PALS2: variants seen among roughly 807,000 people sequenced by gnomAD.
The protein encoded by PALS2 is protein PALS2.
PALS2 carries 27 observed loss-of-function variants against 61.6 expected under a neutral mutation model. The ratio of observed to expected loss-of-function variants is 0.44; its 90% confidence interval spans 0.32 to 0.60. PALS2 has a LOEUF of 0.60. Among genes scored for constraint, PALS2 ranks in the 20% least tolerant of loss-of-function variants. The pLI, the probability that PALS2 is intolerant of heterozygous loss-of-function variation, is 0.05. For synonymous variants in PALS2, 236 were observed against 218.6 expected (o/e 1.08, Z -0.70); for missense variants, 554 against 639.4 (o/e 0.87, Z 1.44).
intron 11 of PALS2, among the ~76,000 whole-genome samples, chr7:24,685,440 G>A (rs943879236): frequency 6.6e-6 from 1 of 151,936 alleles, no homozygotes; most frequent in Non-Finnish European, 1.5e-5. Context: ...GCCATTATTG[G>A]TAGCCATTTT....
chr7:24,615,045 C>A (rs1459287238), intron 1 of PALS2, among the ~76,000 whole-genome samples: 4 of 151,638 alleles, frequency 2.6e-5, no homozygotes, highest in Non-Finnish European at 4.4e-5. Context: ...CCTGAATGAC[C>A]AATGAATGAA....
intron 1 of PALS2, among the ~76,000 whole-genome samples, chr7:24,585,221 G>A (rs1368311111): frequency 2.0e-5 from 3 of 152,032 alleles, no homozygotes; most frequent in Admixed American, 6.5e-5. Flanking sequence ...TAGCTTGATG[G>A]GGATGGCATT....
At chr7:24,641,456 G>A (rs1785547121) in intron 2 of PALS2, among the ~76,000 whole-genome samples, 1 of 151,870 alleles carries the variant, frequency 6.6e-6, no homozygotes, top group South Asian at 2.1e-4. Context: ...TAGCTGACTT[G>A]TCCAGTTTTT....
chr7:24,638,819 G>A (rs1254686707), intron 2 of PALS2, among the ~76,000 whole-genome samples: 1 of 152,078 alleles, frequency 6.6e-6, no homozygotes, highest in African/African-American at 2.4e-5. Flanking sequence ...ACCCAATTTG[G>A]AAGCATTAGG....
At position 24,573,708 on chromosome 7, in the gene PALS2, G is replaced by T. The variant is rs1188580689; in HGVS notation, c.-3+115G>T. 42 of 155,722 alleles carry T rather than the reference G, an allele frequency of 2.7e-4. No homozygotes were observed. The highest frequency in any genetic ancestry group is 1.0e-3 in the African/African-American group (42 of 40,756). The allele number at this position is 155,722 out of a possible 1,614,324, so 9.6% of individuals were successfully genotyped here. On this transcript the variant is annotated intron_variant, in intron 1 of 11. Transcript: ENST00000222644. The surrounding 1 kb of genome is among the most constrained non-coding windows in gnomAD (Gnocchi z 5.3). ...CCACGCGGGGACCCTGGCCCGCCCC[G>T]CCCCCCTCGGCACCTGGGCTTCGGC...
intron 3 of PALS2, among the ~76,000 whole-genome samples, chr7:24,644,880 C>T (rs1025519314): frequency 6.6e-6 from 1 of 151,932 alleles, no homozygotes; most frequent in South Asian, 2.1e-4. Context: ...TTTTGATTTG[C>T]GTTTCTCTAA....
chr7:24,667,261 C>T (rs955051125), intron 8 of PALS2, among the ~76,000 whole-genome samples: 2 of 152,032 alleles, frequency 1.3e-5, no homozygotes, highest in Non-Finnish European at 1.5e-5. Context: ...ATTTTCCCAT[C>T]GACTAAGATT....
At chr7:24,593,486 C>T (rs895262377) in intron 1 of PALS2, among the ~76,000 whole-genome samples, 3 of 152,082 alleles carry the variant, frequency 2.0e-5, no homozygotes, top group Non-Finnish European at 4.4e-5. Flanking sequence ...CCACATCCAT[C>T]AGAGGAATCA....
chr7:24,634,375 C>T (rs112833510), intron 2 of PALS2, among the ~76,000 whole-genome samples: 17 of 152,188 alleles, frequency 1.1e-4, no homozygotes, highest in Admixed American at 3.9e-4. Flanking sequence ...GGACTACAGG[C>T]GCCCGCCATC....
In PALS2 at chr7:24,692,175, A is replaced by G. The variant is rs1788506505; in HGVS notation, c.*4561A>G. ...TTCGAACATGAGTCCTTAATATACTAAACAGTGAAAGAATGATGATATCTC... is the reference window on the plus strand; with the variant it reads ...TTCGAACATGAGTCCTTAATATACTGAACAGTGAAAGAATGATGATATCTC... On this transcript the variant is annotated 3_prime_UTR_variant, in exon 12 of 12. Coordinates refer to ENST00000222644, the MANE Select transcript of PALS2 (RefSeq NM_001303037.2). 4 of 152,162 alleles carry G rather than the reference A, an allele frequency of 2.6e-5. No homozygotes were observed. Among genetic ancestry groups the G allele is most frequent in the Admixed American group, 2.6e-4 (4 of 15,268 alleles). The allele number at this position is 152,162 out of a possible 1,614,324, so 9.4% of individuals were successfully genotyped here.
At chr7:24,686,838 C>T (rs1465518220) in intron 11 of PALS2, among the ~76,000 whole-genome samples, 7 of 152,190 alleles carry the variant, frequency 4.6e-5, no homozygotes, top group Non-Finnish European at 8.8e-5. Flanking sequence ...TGCTTATGTA[C>T]TCCCCACATC....
chr7:24,577,286 T>TA (rs1482210151), intron 1 of PALS2, among the ~76,000 whole-genome samples: 5 of 149,064 alleles, frequency 3.4e-5, no homozygotes, highest in Non-Finnish European at 7.4e-5. Flanking sequence ...TTTTTTTTTT[T>TA]AATATAGTGT....
At chr7:24,625,837 A>G (rs952340399) in intron 2 of PALS2, among the ~76,000 whole-genome samples, 3 of 152,202 alleles carry the variant, frequency 2.0e-5, no homozygotes, top group East Asian at 1.9e-4. Flanking sequence ...AGGAAAAACA[A>G]TGGTAGTTCA....
At chr7:24,652,026 AAAAT>A (rs1163355407) in intron 5 of PALS2, among the ~76,000 whole-genome samples, 2 of 152,222 alleles carry the variant, frequency 1.3e-5, no homozygotes, top group African/African-American at 4.8e-5. Flanking sequence ...AGAATTGTGA[AAAAT>A]AAATGATATT....
At position 24,693,066 on chromosome 7, in the gene PALS2, C is replaced by A. The variant is rs1267271868; in HGVS notation, c.*5452C>A. 1 of 152,148 alleles carries A rather than the reference C, an allele frequency of 6.6e-6. No individual in the cohort carries two copies. Among genetic ancestry groups the A allele is most frequent in the Non-Finnish European group, 1.5e-5 (1 of 68,002 alleles). The allele number at this position is 152,148 out of a possible 1,614,324, so 9.4% of individuals were successfully genotyped here. ...CAAAAGTCGATCAGAAGGGATAGTT[C>A]TCTTCCTTTTTTTCCCCTCCTACTG... On this transcript the variant is annotated 3_prime_UTR_variant, in exon 12 of 12. Transcript: ENST00000222644.
At chr7:24,683,758 G>A (rs918980633) in intron 11 of PALS2, among the ~76,000 whole-genome samples, 1 of 152,046 alleles carries the variant, frequency 6.6e-6, no homozygotes, top group African/African-American at 2.4e-5. Context: ...GACAGTGCTA[G>A]CATATATGCT....
intron 1 of PALS2, among the ~76,000 whole-genome samples, chr7:24,590,969 C>A (rs1232016967): frequency 6.6e-6 from 1 of 151,660 alleles, no homozygotes; most frequent in Non-Finnish European, 1.5e-5. Flanking sequence ...CCTTTCTTAT[C>A]TGTTTTCTAA....
chr7:24,629,361 G>C (rs189788488), intron 2 of PALS2, among the ~76,000 whole-genome samples: 2 of 152,106 alleles, frequency 1.3e-5, no homozygotes, highest in Non-Finnish European at 1.5e-5. Flanking sequence ...AGACTTAAAC[G>C]TAAGACCTAA....
intron 1 of PALS2, among the ~76,000 whole-genome samples, chr7:24,584,809 G>A (rs974556677): frequency 3.1e-4 from 47 of 151,858 alleles, no homozygotes; most frequent in African/African-American, 1.1e-3. Context: ...TAACGTTTAA[G>A]TCTTTAATCC....
Sources: allele counts gnomAD v4.1 joint callset (sites outside exome capture counted in the v4.1 genomes callset), GRCh38; gene constraint gnomAD v4.1.1; non-coding constraint Gnocchi (gnomAD v3.1); transcripts MANE v1.5; gene names NCBI Gene and HGNC (gene_info 2026-07-23, HGNC 2026-07-21).